The following RUFY2 variants were observed in gnomAD, a reference collection of about 807,000 sequenced individuals.
The protein encoded by RUFY2 is RUN and FYVE domain-containing protein 2.
In RUFY2, 49 loss-of-function variants were observed where a neutral mutation model predicts 94.4. The observed-to-expected ratio is 0.52, with a 90% CI of 0.41 to 0.66. The LOEUF is 0.66. Ranked by LOEUF, RUFY2 falls within the 30% of genes least tolerant of loss-of-function variation. The pLI is 0.00. For missense variants in RUFY2, 541 were observed against 692.8 expected (o/e 0.78, Z 2.46); for synonymous variants, 255 against 235.7 (o/e 1.08, Z -0.75).
chr10:68,393,653 C>G (rs2050165454), intron 6 of RUFY2: 1 of 188,856 alleles, frequency 5.3e-6, no homozygotes, highest in African/African-American at 2.4e-5. Flanking sequence ...CGCTTGAACC[C>G]AGGAGGCGGA....
intron 13 of RUFY2, among the ~76,000 whole-genome samples, chr10:68,374,007 T>G (rs1193674375): frequency 6.7e-6 from 1 of 149,652 alleles, no homozygotes; most frequent in East Asian, 2.0e-4. Flanking sequence ...TCCCAGCTAC[T>G]CTGCAAGCTG....
chr10:68,387,819 A>G (rs1199213849), intron 7 of RUFY2, among the ~76,000 whole-genome samples: 3 of 150,672 alleles, frequency 2.0e-5, no homozygotes, highest in Non-Finnish European at 3.0e-5. Flanking sequence ...CCTGGCCAAC[A>G]TGGTGAAACC....
chr10:68,383,114 C>A (rs531112716), intron 10 of RUFY2, among the ~76,000 whole-genome samples: 11 of 152,272 alleles, frequency 7.2e-5, no homozygotes, highest in African/African-American at 2.6e-4. Flanking sequence ...CACTTGAGGC[C>A]AGGAGTTTGA....
At chr10:68,389,009 C>T (rs1012353762) in intron 7 of RUFY2, among the ~76,000 whole-genome samples, 2 of 152,098 alleles carry the variant, frequency 1.3e-5, no homozygotes, top group Non-Finnish European at 2.9e-5. Flanking sequence ...CTTCCCACCT[C>T]AGCCTCCTGA....
chr10:68,397,684 C>G (rs561896568), intron 3 of RUFY2, among the ~76,000 whole-genome samples: 4 of 151,840 alleles, frequency 2.6e-5, no homozygotes, highest in Admixed American at 1.3e-4. Flanking sequence ...GAGGCTGAGA[C>G]AGGAGGTTGC....
intron 16 of RUFY2, among the ~76,000 whole-genome samples, chr10:68,347,134 GA>G (rs890735727): frequency 6.6e-6 from 1 of 151,180 alleles, no homozygotes; most frequent in Non-Finnish European, 1.5e-5. Flanking sequence ...TCAAGAAAAA[GA>G]GGGGAAAAAA....
At chr10:68,350,710 T>G (rs1222888834) in intron 16 of RUFY2, among the ~76,000 whole-genome samples, 4 of 150,234 alleles carry the variant, frequency 2.7e-5, no homozygotes, top group African/African-American at 9.6e-5. Context: ...CAGTGTTTTT[T>G]TGTTTTTGGT....
intron 15 of RUFY2, among the ~76,000 whole-genome samples, chr10:68,356,432 G>A (rs1413847799): frequency 2.6e-5 from 4 of 151,666 alleles, no homozygotes; most frequent in South Asian, 2.1e-4. Context: ...CTTGAACCCC[G>A]GAGGCAGAGG....
At chr10:68,400,494 G>A (rs1032802627) in intron 3 of RUFY2, among the ~76,000 whole-genome samples, 1 of 150,584 alleles carries the variant, frequency 6.6e-6, no homozygotes, top group Non-Finnish European at 1.5e-5. Flanking sequence ...GGCTAACATG[G>A]TGAAACCCCG....
At chr10:68,354,174 A>AT (rs1453139309) in intron 16 of RUFY2, among the ~76,000 whole-genome samples, 1 of 151,964 alleles carries the variant, frequency 6.6e-6, no homozygotes, top group Non-Finnish European at 1.5e-5. Flanking sequence ...TCTTAGTATA[A>AT]TTTTTTAAAA....
chr10:68,406,945 G>C, intron 1 of RUFY2: 1 of 1,552,320 alleles, frequency 6.4e-7, no homozygotes, highest in Non-Finnish European at 8.7e-7. Context: ...GGCACCTCGA[G>C]CCCTCGGCCA....
chr10:68,369,510 A>C (rs1043235436), intron 13 of RUFY2, among the ~76,000 whole-genome samples: 3 of 146,154 alleles, frequency 2.1e-5, no homozygotes, highest in Admixed American at 6.8e-5. Context: ...AAAAAAAAAC[A>C]AAAAAAAACC....
chr10:68,393,873 A>G (rs41306554), intron 6 of RUFY2: 2 of 1,173,406 alleles, frequency 1.7e-6, no homozygotes, highest in South Asian at 1.6e-5. Flanking sequence ...CCCACTTCAT[A>G]CTATTAATAA....
Position 68,345,468 on chromosome 10 carries a change from A to T in RUFY2, c.*300T>A. ...AATTGACAGAATTCAGAAGAAAAAA[A>T]CAATCTGAAGCCTTATTTTTAAGGC... On this transcript the variant is annotated 3_prime_UTR_variant, in exon 18 of 18. Coordinates refer to ENST00000602465, the MANE Select transcript of RUFY2 (RefSeq NM_001330103.2). 2.5e-6 allele frequency: 1 copy of T among 404,114 alleles called. No homozygotes were observed. Among genetic ancestry groups the T allele is most frequent in the Non-Finnish European group, 4.3e-6 (1 of 229,976 alleles). The allele number at this position is 404,114 out of a possible 1,614,324, so 25.0% of individuals were successfully genotyped here.
intron 8 of RUFY2, among the ~76,000 whole-genome samples, chr10:68,384,852 A>C (rs2049357757): frequency 6.6e-6 from 1 of 152,226 alleles, no homozygotes; most frequent in Non-Finnish European, 1.5e-5. Flanking sequence ...AGTCAAGAAG[A>C]GGCACAAACT....
chr10:68,363,472 G>T, intron 15 of RUFY2, 118 bp downstream of exon 15: 1 of 613,894 alleles, frequency 1.6e-6, no homozygotes, highest in Non-Finnish European at 2.7e-6. Context: ...GAACCACCGC[G>T]CCCGGCCTAG....
chr10:68,354,371 G>C (rs886983216), intron 16 of RUFY2, among the ~76,000 whole-genome samples: 11 of 151,944 alleles, frequency 7.2e-5, no homozygotes, highest in African/African-American at 2.7e-4. Context: ...GTAGAAATAA[G>C]GTCTATTTTA....
intron 13 of RUFY2, among the ~76,000 whole-genome samples, chr10:68,367,687 C>T (rs1008894416): frequency 4.0e-5 from 6 of 151,360 alleles, no homozygotes; most frequent in African/African-American, 1.5e-4. Flanking sequence ...CTCTCCCTCC[C>T]TCCCTGCTTT....
chr10:68,373,603 T>TA (rs1289259181), intron 13 of RUFY2, among the ~76,000 whole-genome samples: 3,071 of 148,100 alleles, frequency 0.021, 96 homozygotes, highest in African/African-American at 0.072. Context: ...CTCCATCTCT[T>TA]AAAAAAAAAA....
Sources: allele counts gnomAD v4.1 joint callset (sites outside exome capture counted in the v4.1 genomes callset), GRCh38; gene constraint gnomAD v4.1.1; transcripts MANE v1.5; gene names NCBI Gene and HGNC (gene_info 2026-07-23, HGNC 2026-07-21).